The following COP1 variants were observed in gnomAD, a reference collection of about 807,000 sequenced individuals.
COP1 encodes E3 ubiquitin-protein ligase COP1.
A neutral mutation model predicts 101.3 loss-of-function variants in COP1; 24 were observed. That is an observed-to-expected ratio of 0.24 (90% confidence interval 0.17 to 0.33). The LOEUF (loss-of-function observed/expected upper bound fraction) is 0.33, where lower values mean the gene tolerates loss of function less well. COP1 is among the 10% of genes least tolerant of loss of function. The pLI is 1.00. For missense variants in COP1, 663 were observed against 906.2 expected (o/e 0.73, Z 3.45); for synonymous variants, 347 against 341.9 (o/e 1.01, Z -0.17).
intron 9 of COP1, among the ~76,000 whole-genome samples, chr1:176,103,456 A>T (rs1683767613): frequency 6.6e-6 from 1 of 152,208 alleles, no homozygotes; most frequent in Non-Finnish European, 1.5e-5. Flanking sequence ...GATGATCAGG[A>T]GAGCATGCAT....
At chr1:176,197,209 G>A (rs116313932) in intron 1 of COP1, among the ~76,000 whole-genome samples, 4,916 of 152,088 alleles carry the variant, frequency 0.032, 113 homozygotes, top group Non-Finnish European at 0.047. Context: ...ACAACAACAA[G>A]TGGCCCAACC....
Position 176,175,806 on chromosome 1 carries a change from G to C in COP1, c.565+104C>G, listed in dbSNP as rs115687589. 7.5e-4 allele frequency: 465 copies of C among 616,482 alleles called. 4 individuals carry two copies. In the African/African-American group the frequency reaches 7.7e-3, roughly 10 times the overall value. The allele number at this position is 616,482 out of a possible 1,614,324, so 38.2% of individuals were successfully genotyped here. A position where few individuals can be genotyped will look rare whatever the true frequency, so the allele number is the denominator to read the frequency against. On this transcript the variant is annotated intron_variant, in intron 3 of 19. Transcript: ENST00000367669. ...AAAGCACTGTGGTATACAGTAGAGAGAGACTTGCTTACCACTAAGGTAGGT... is the reference window on the plus strand; with the variant it reads ...AAAGCACTGTGGTATACAGTAGAGACAGACTTGCTTACCACTAAGGTAGGT...
rs146642182 is a variant in COP1, at chr1:175,957,337, T to C, written c.2134-10098A>G. 8.5e-5 allele frequency among the ~76,000 whole-genome samples: 13 copies of C among 152,218 alleles called. No individual in the cohort carries two copies. In the East Asian group the frequency reaches 2.1e-3, roughly 25 times the overall value. On this transcript the variant is annotated intron_variant, in intron 18 of 19. Transcript: ENST00000367669. Reference sequence around the variant, plus strand: ...GTACCATTTTTTACCTTTTATATTGTATTTTTACTATAGCTTTTCTGTGTT... The same window carrying C: ...GTACCATTTTTTACCTTTTATATTGCATTTTTACTATAGCTTTTCTGTGTT...
chr1:176,013,599 T>C (rs1240029699), intron 15 of COP1, among the ~76,000 whole-genome samples: 1 of 152,200 alleles, frequency 6.6e-6, no homozygotes, highest in Admixed American at 6.5e-5. Context: ...TGGACTGAAA[T>C]AGTTTACAAA....
At chr1:176,065,980 C>T (rs1278665835) in intron 11 of COP1, among the ~76,000 whole-genome samples, 1 of 152,126 alleles carries the variant, frequency 6.6e-6, no homozygotes, top group East Asian at 1.9e-4. Context: ...CCTGCCTCGG[C>T]CTCCCAAAGT....
chr1:175,965,821 A>G (rs1025741763), intron 18 of COP1, among the ~76,000 whole-genome samples: 1 of 151,488 alleles, frequency 6.6e-6, no homozygotes, highest in Non-Finnish European at 1.5e-5. Flanking sequence ...TGACCTCGTG[A>G]CCCACCCGCC....
chr1:176,050,697 T>C (rs1233241899), intron 11 of COP1, among the ~76,000 whole-genome samples: 1 of 152,224 alleles, frequency 6.6e-6, no homozygotes, highest in Admixed American at 6.5e-5. Context: ...TTCCAATCAA[T>C]ACTACTTGAA....
chr1:176,042,968 G>A lies in COP1; in HGVS notation c.1612+218C>T, dbSNP rs112655295. Among the ~76,000 whole-genome samples the A allele has an allele frequency of 1.1e-3, 169 of 152,202 alleles. 1 individual carries two copies. The highest frequency in any genetic ancestry group is 2.4e-3 in the Admixed American group (36 of 15,290). The stretch of plus-strand genomic sequence containing the variant: ...CGCTTGAACCCGGGAGGCAGAGGTT[G>A]CACTGAGCCACAATTGTGCCACTGT... On this transcript the variant is annotated intron_variant, in intron 14 of 19. Coordinates refer to ENST00000367669, the MANE Select transcript of COP1 (RefSeq NM_022457.7).
chr1:175,993,441 A>C (rs942585004), intron 15 of COP1, among the ~76,000 whole-genome samples: 1 of 152,184 alleles, frequency 6.6e-6, no homozygotes, highest in Admixed American at 6.5e-5. Context: ...TGATCAAACT[A>C]CTCTGAGCTA....
chr1:176,123,239 A>C (rs1251387586), intron 8 of COP1, among the ~76,000 whole-genome samples: 1 of 152,232 alleles, frequency 6.6e-6, no homozygotes, highest in African/African-American at 2.4e-5. Context: ...TTAATTAAAA[A>C]TTCAAAGGTT....
At position 175,970,483 on chromosome 1, in the gene COP1, T is replaced by A. The variant is rs149718221; in HGVS notation, c.2133+16460A>T. On this transcript the variant is annotated intron_variant, in intron 18 of 19. Coordinates refer to ENST00000367669, the MANE Select transcript of COP1 (RefSeq NM_022457.7). ...ATATTAGATTATTGAAAATCTTGAA[T>A]GTAATAGTTTAGATACGATAGTCTA... Among the ~76,000 whole-genome samples the A allele has an allele frequency of 7.8e-3, 1,187 of 152,268 alleles. 13 individuals are homozygous for A. The highest frequency in any genetic ancestry group is 0.027 in the African/African-American group (1,124 of 41,546).
intron 6 of COP1, among the ~76,000 whole-genome samples, chr1:176,138,840 A>G (rs1406714030): frequency 6.6e-6 from 1 of 151,972 alleles, no homozygotes; most frequent in African/African-American, 2.4e-5. Flanking sequence ...GACATTTTCA[A>G]CTCCAGCATC....
intron 2 of COP1, among the ~76,000 whole-genome samples, chr1:176,178,194 T>C (rs1258123036): frequency 2.6e-5 from 4 of 151,978 alleles, no homozygotes; most frequent in South Asian, 2.1e-4. Context: ...GCAAATACAA[T>C]AGACTAAGAA....
chr1:176,183,815 A>C (rs552529879), intron 2 of COP1, among the ~76,000 whole-genome samples: 1 of 152,196 alleles, frequency 6.6e-6, no homozygotes, highest in African/African-American at 2.4e-5. Flanking sequence ...CACTGAAGAC[A>C]TTATGCTAAG....
At chr1:175,970,922 G>A (rs1653109600) in intron 18 of COP1, among the ~76,000 whole-genome samples, 1 of 152,192 alleles carries the variant, frequency 6.6e-6, no homozygotes, top group African/African-American at 2.4e-5. Flanking sequence ...TCTGTATAAA[G>A]ATGAATATTT....
chr1:176,069,966 T>C (rs1357873618), intron 11 of COP1, among the ~76,000 whole-genome samples: 7 of 152,212 alleles, frequency 4.6e-5, no homozygotes, highest in Admixed American at 4.6e-4. Context: ...TAGTCAGTGT[T>C]CTATATATCT....
chr1:176,028,966 T>C (rs1416285231), intron 14 of COP1, among the ~76,000 whole-genome samples: 3 of 151,378 alleles, frequency 2.0e-5, no homozygotes, highest in Admixed American at 2.0e-4. Context: ...GTTGCTGAGA[T>C]TGGTCTCAAA....
intron 5 of COP1, among the ~76,000 whole-genome samples, chr1:176,151,088 C>A (rs971855547): frequency 4.0e-5 from 6 of 151,896 alleles, no homozygotes; most frequent in Admixed American, 3.3e-4. Flanking sequence ...TGAAAGTAAT[C>A]CCACCACTAA....
chr1:176,165,512 T>C (rs559556257), intron 3 of COP1, among the ~76,000 whole-genome samples: 180 of 152,028 alleles, frequency 1.2e-3, no homozygotes, highest in African/African-American at 3.2e-3. Flanking sequence ...CTGGCCAACA[T>C]GGCAAAACCC....
Sources: allele counts gnomAD v4.1 joint callset (sites outside exome capture counted in the v4.1 genomes callset), GRCh38; gene constraint gnomAD v4.1.1; transcripts MANE v1.5; gene names NCBI Gene and HGNC (gene_info 2026-07-23, HGNC 2026-07-21).